Variants in MDFIC2 observed in about 807,000 individuals in gnomAD.
MDFIC2 encodes the protein MyoD family inhibitor domain containing 2.
intron 2 of MDFIC2, among the ~76,000 whole-genome samples, chr3:70,290,901 C>T (rs888003363): frequency 1.3e-5 from 2 of 152,184 alleles, no homozygotes; most frequent in South Asian, 2.1e-4. Flanking sequence ...TGAGGCAATG[C>T]CTCGCCCTGC....
At chr3:70,201,240 C>T (rs1701235151) in intron 3 of MDFIC2, among the ~76,000 whole-genome samples, 1 of 152,056 alleles carries the variant, frequency 6.6e-6, no homozygotes, top group Admixed American at 6.6e-5. Flanking sequence ...TCGTTCCCCT[C>T]TCTGTGTTTA....
At chr3:70,274,730 A>C (rs1024827795) in intron 2 of MDFIC2, among the ~76,000 whole-genome samples, 2 of 152,198 alleles carry the variant, frequency 1.3e-5, no homozygotes, top group Non-Finnish European at 2.9e-5. Flanking sequence ...AAACCTGCAC[A>C]TCCTGCACAT....
At chr3:70,231,360 C>T (rs1701558585) in intron 2 of MDFIC2, among the ~76,000 whole-genome samples, 1 of 152,204 alleles carries the variant, frequency 6.6e-6, no homozygotes, top group Admixed American at 6.5e-5. Context: ...TCTCTGGGAT[C>T]AAGCTGTCAA....
chr3:70,262,646 C>T (rs1367903210), intron 2 of MDFIC2, among the ~76,000 whole-genome samples: 1 of 152,122 alleles, frequency 6.6e-6, no homozygotes. Flanking sequence ...GTCATTGACT[C>T]TCAAATTTTA....
chr3:70,196,817 C>A lies in MDFIC2; in HGVS notation c.*109G>T. 2 of 397,242 alleles carry A rather than the reference C, an allele frequency of 5.0e-6. No individual in the cohort carries two copies. Among genetic ancestry groups the A allele is most frequent in the Non-Finnish European group, 8.9e-6 (2 of 225,730 alleles). 24.6% of individuals were successfully genotyped at this position (397,242 alleles called of 1,614,324 possible). A position where few individuals can be genotyped will look rare whatever the true frequency, so the allele number is the denominator to read the frequency against. On this transcript the variant is annotated 3_prime_UTR_variant, in exon 4 of 4. Coordinates refer to ENST00000567252, the MANE Select transcript of MDFIC2 (RefSeq NM_001364677.1). ...GCAGAATAAAATGGCCTATAGCATC[C>A]AAGAAATGTGTACAGTCCTTACATT...
At chr3:70,286,583 C>G (rs1364800870) in intron 2 of MDFIC2, among the ~76,000 whole-genome samples, 1 of 151,690 alleles carries the variant, frequency 6.6e-6, no homozygotes, top group Non-Finnish European at 1.5e-5. Context: ...TAGTTTTTTC[C>G]AATTCTGTGA....
chr3:70,245,706 T>TAC (rs1220684207), intron 2 of MDFIC2, among the ~76,000 whole-genome samples: 1 of 137,798 alleles, frequency 7.3e-6, no homozygotes, highest in East Asian at 2.1e-4. Flanking sequence ...TATATATATA[T>TAC]ATATATATAC....
intron 2 of MDFIC2, among the ~76,000 whole-genome samples, chr3:70,231,594 TG>T (rs1419232502): frequency 3.3e-5 from 5 of 152,154 alleles, no homozygotes; most frequent in Non-Finnish European, 5.9e-5. Flanking sequence ...GAGAACAGGC[TG>T]GGGTGTCCTT....
chr3:70,297,817 CT>C (rs1381420015), intron 2 of MDFIC2, among the ~76,000 whole-genome samples: 4 of 152,034 alleles, frequency 2.6e-5, no homozygotes, highest in Non-Finnish European at 5.9e-5. Flanking sequence ...TTATCATAAA[CT>C]CACAGGCTTC....
intron 2 of MDFIC2, among the ~76,000 whole-genome samples, chr3:70,222,558 A>G (rs969792162): frequency 4.6e-5 from 7 of 152,194 alleles, no homozygotes; most frequent in African/African-American, 2.4e-5. Context: ...TTGAATTCCA[A>G]ATAAATTTGA....
chr3:70,236,388 A>G (rs529141944), intron 2 of MDFIC2, among the ~76,000 whole-genome samples: 2 of 152,202 alleles, frequency 1.3e-5, no homozygotes, highest in Admixed American at 6.5e-5. Flanking sequence ...TTTATTATAC[A>G]TTTATATTTG....
chr3:70,280,573 T>C (rs747000728), intron 2 of MDFIC2, among the ~76,000 whole-genome samples: 3 of 152,122 alleles, frequency 2.0e-5, no homozygotes, highest in Non-Finnish European at 4.4e-5. Context: ...GAAAACGATA[T>C]CCTAAAATGA....
rs565833092 is a variant in MDFIC2, at chr3:70,307,250, G to A, written c.88+4636C>T. On this transcript the variant is annotated intron_variant, in intron 2 of 3. Coordinates refer to ENST00000567252, the MANE Select transcript of MDFIC2 (RefSeq NM_001364677.1). ...GTTACTTAACCTTTAACAATCAGGAGATCTCACAAAGAAATCCAGATTTCC... is the reference window on the plus strand; with the variant it reads ...GTTACTTAACCTTTAACAATCAGGAAATCTCACAAAGAAATCCAGATTTCC... 1.4e-4 allele frequency among the ~76,000 whole-genome samples: 21 copies of A among 152,164 alleles called. No homozygotes were observed. In the South Asian group the frequency reaches 3.9e-3, roughly 29 times the overall value.
intron 2 of MDFIC2, among the ~76,000 whole-genome samples, chr3:70,306,601 TTCTC>T (rs925635427): frequency 6.6e-6 from 1 of 152,146 alleles, no homozygotes; most frequent in African/African-American, 2.4e-5. Context: ...ATCATTTTTT[TTCTC>T]TCTCATGAAT....
intron 2 of MDFIC2, among the ~76,000 whole-genome samples, chr3:70,213,538 A>T (rs944919443): frequency 3.9e-5 from 6 of 152,154 alleles, no homozygotes; most frequent in Admixed American, 2.0e-4. Context: ...GGCTGAAATC[A>T]GACCAAGGCA....
intron 2 of MDFIC2, among the ~76,000 whole-genome samples, chr3:70,218,381 C>CT (rs1357135696): frequency 1.3e-5 from 2 of 152,086 alleles, no homozygotes; most frequent in East Asian, 1.9e-4. Flanking sequence ...CTATTTTTCC[C>CT]TTTTTTACTA....
chr3:70,214,821 G>C (rs536983622), intron 2 of MDFIC2, among the ~76,000 whole-genome samples: 142 of 152,024 alleles, frequency 9.3e-4, no homozygotes, highest in African/African-American at 3.3e-3. Context: ...TCATTTTTAT[G>C]CAGTTACCTT....
chr3:70,223,483 G>A (rs1701477629), intron 2 of MDFIC2, among the ~76,000 whole-genome samples: 1 of 152,046 alleles, frequency 6.6e-6, no homozygotes, highest in Non-Finnish European at 1.5e-5. Flanking sequence ...TTTCCTTCCT[G>A]AGCAAAAGTT....
chr3:70,227,648 A>G (rs1701520709), intron 2 of MDFIC2, among the ~76,000 whole-genome samples: 1 of 152,214 alleles, frequency 6.6e-6, no homozygotes, highest in Non-Finnish European at 1.5e-5. Context: ...TTTTGCACCA[A>G]CCTAATAATA....
Sources: gnomAD v4.1 joint callset for allele counts (sites outside exome capture counted in the v4.1 genomes callset) on GRCh38, gnomAD v4.1.1 for gene constraint, MANE v1.5 for transcripts, NCBI Gene and HGNC (gene_info 2026-07-23, HGNC 2026-07-21) for gene names.